The following TRIO variants were observed in gnomAD, a reference collection of about 807,000 sequenced individuals.
The protein encoded by TRIO is triple functional domain protein.
A neutral mutation model predicts 351.9 loss-of-function variants in TRIO; 58 were observed. The ratio of observed to expected loss-of-function variants is 0.16; its 90% CI spans 0.13 to 0.21. The LOEUF is 0.21. TRIO is among the 10% of genes least tolerant of loss of function. The pLI is 1.00. For missense variants in TRIO, 3,201 were observed against 4,027.8 expected (o/e 0.79, Z 5.56); for synonymous variants, 1,758 against 1,595.7 (o/e 1.10, Z -2.42).
chr5:14,262,893 C>T (rs534874053), intron 1 of TRIO, among the ~76,000 whole-genome samples: 2 of 152,212 alleles, frequency 1.3e-5, no homozygotes, highest in Non-Finnish European at 2.9e-5. Context: ...CTTCATGGCA[C>T]TTCTTTGTTC....
At chr5:14,467,669 C>T (rs1355664537) in intron 37 of TRIO, among the ~76,000 whole-genome samples, 2 of 152,044 alleles carry the variant, frequency 1.3e-5, no homozygotes, top group Admixed American at 6.6e-5. Context: ...CAAAAATCAG[C>T]TGGGTGTGGT....
chr5:14,227,373 G>A (rs544588), intron 1 of TRIO, among the ~76,000 whole-genome samples: 39,619 of 152,162 alleles, frequency 0.26, 5,399 homozygotes, highest in East Asian at 0.45. Flanking sequence ...CCTTTTGTGC[G>A]TGGGAAATTG....
intron 1 of TRIO, among the ~76,000 whole-genome samples, chr5:14,205,205 C>G (rs1384024004): frequency 1.3e-5 from 2 of 152,250 alleles, no homozygotes; most frequent in Non-Finnish European, 2.9e-5. Context: ...TTTCTGGCCT[C>G]AGCGCCAGGG....
intron 33 of TRIO, among the ~76,000 whole-genome samples, chr5:14,413,006 T>G (rs1749331247): frequency 6.6e-6 from 1 of 152,248 alleles, no homozygotes; most frequent in Non-Finnish European, 1.5e-5. Flanking sequence ...TAGCATGTTC[T>G]AAGCACTGAA....
intron 1 of TRIO, among the ~76,000 whole-genome samples, chr5:14,250,672 A>T (rs1044422280): frequency 6.6e-6 from 1 of 152,176 alleles, no homozygotes; most frequent in Non-Finnish European, 1.5e-5. Flanking sequence ...GAGAGGCTGT[A>T]CTGTGTTCAG....
Position 14,465,761 on chromosome 5 carries a change from A to G in TRIO, c.5763+121A>G, listed in dbSNP as rs560012761. ...AGAATGTGGCTGTGGCTTATGGCAC[A>G]TCTCAGGAGTCCCCATGACCACCCT... On this transcript the variant is annotated intron_variant, in intron 37 of 56. Transcript: ENST00000344204. 13 of 1,084,588 alleles carry G rather than the reference A, an allele frequency of 1.2e-5. No individual in the cohort carries two copies. The African/African-American group carries it at 2.0e-4, about 17-fold the overall frequency. The allele number at this position is 1,084,588 out of a possible 1,614,324, so 67.2% of individuals were successfully genotyped here.
At chr5:14,422,652 A>G (rs572470930) in intron 34 of TRIO, among the ~76,000 whole-genome samples, 2 of 152,330 alleles carry the variant, frequency 1.3e-5, no homozygotes, top group South Asian at 4.1e-4. Context: ...CTGAGAATCC[A>G]TGGAATTTAT....
chr5:14,208,551 C>A (rs921563507), intron 1 of TRIO, among the ~76,000 whole-genome samples: 1 of 152,166 alleles, frequency 6.6e-6, no homozygotes, highest in Non-Finnish European at 1.5e-5. Flanking sequence ...CATTTCAGAG[C>A]GAAGAAAGTG....
intron 7 of TRIO, among the ~76,000 whole-genome samples, chr5:14,299,528 G>A (rs1737674489): frequency 6.6e-6 from 1 of 152,200 alleles, no homozygotes; most frequent in Non-Finnish European, 1.5e-5. Flanking sequence ...AATGTGTTGT[G>A]TCTCGTCCCC....
intron 1 of TRIO, among the ~76,000 whole-genome samples, chr5:14,189,837 C>T (rs1277461124): frequency 6.6e-6 from 1 of 151,614 alleles, no homozygotes; most frequent in African/African-American, 2.4e-5. Context: ...CTCAACCTGT[C>T]TCAGCCTCCC....
At chr5:14,482,326 T>C (rs15277) in intron 45 of TRIO, 2 of 268,134 alleles carry the variant, frequency 7.5e-6, no homozygotes, top group African/African-American at 4.4e-5. Flanking sequence ...AAACCAGACA[T>C]TTAAAACTCC....
intron 8 of TRIO, among the ~76,000 whole-genome samples, chr5:14,305,131 G>A (rs576428146): frequency 1.6e-4 from 24 of 152,290 alleles, no homozygotes; most frequent in Non-Finnish European, 3.2e-4. Context: ...TAATGCTCAC[G>A]TACTGTATCT....
chr5:14,426,238 G>A (rs1341872694), intron 34 of TRIO, among the ~76,000 whole-genome samples: 2 of 152,042 alleles, frequency 1.3e-5, no homozygotes, highest in African/African-American at 4.8e-5. Context: ...ACACACACAT[G>A]TGCACACACA....
chr5:14,221,061 A>G (rs539206418), intron 1 of TRIO, among the ~76,000 whole-genome samples: 15 of 152,348 alleles, frequency 9.8e-5, no homozygotes, highest in South Asian at 4.1e-4. Context: ...GTTGAAGCCA[A>G]TGCTCATTGA....
intron 1 of TRIO, among the ~76,000 whole-genome samples, chr5:14,214,545 A>G (rs1182144909): frequency 7.3e-5 from 11 of 149,814 alleles, no homozygotes; most frequent in Non-Finnish European, 1.7e-4. Flanking sequence ...AGGTTAGGGG[A>G]AAAAAATCTG....
intron 8 of TRIO, among the ~76,000 whole-genome samples, chr5:14,314,384 C>CAT (rs921902473): frequency 1.3e-5 from 2 of 152,106 alleles, no homozygotes; most frequent in Non-Finnish European, 2.9e-5. Context: ...AGATGCTGGT[C>CAT]ATATATATAA....
intron 1 of TRIO, among the ~76,000 whole-genome samples, chr5:14,241,173 A>G (rs1794103891): frequency 6.6e-6 from 1 of 152,222 alleles, no homozygotes; most frequent in Admixed American, 6.5e-5. Flanking sequence ...TCTTCAAAGA[A>G]GGATGTTTTC....
intron 1 of TRIO, among the ~76,000 whole-genome samples, chr5:14,234,604 G>A (rs1281591077): frequency 6.6e-6 from 1 of 152,180 alleles, no homozygotes; most frequent in African/African-American, 2.4e-5. Flanking sequence ...CATATTTGGT[G>A]TAGTAAAGGA....
At chr5:14,379,972 G>A (rs867342764) in intron 20 of TRIO, among the ~76,000 whole-genome samples, 1 of 152,108 alleles carries the variant, frequency 6.6e-6, no homozygotes, top group Admixed American at 6.5e-5. Context: ...CCCACCCCAG[G>A]CCTCACTGCT....
Sources: allele counts gnomAD v4.1 joint callset (sites outside exome capture counted in the v4.1 genomes callset), GRCh38; gene constraint gnomAD v4.1.1; transcripts MANE v1.5; gene names NCBI Gene and HGNC (gene_info 2026-07-23, HGNC 2026-07-21).